The following MYOM2 variants were observed in gnomAD, a reference collection of about 807,000 sequenced individuals.
MYOM2 encodes the protein myomesin-2.
A neutral mutation model predicts 187.6 loss-of-function variants in MYOM2; 254 were observed. The observed-to-expected ratio is 1.35, with a 90% CI of 1.22 to 1.50. MYOM2 has a LOEUF of 1.50. Ranked by LOEUF, MYOM2 falls within the 40% of genes most tolerant of loss-of-function variation. The probability of loss-of-function intolerance (pLI) is 0.00; values close to 1 mark genes in which losing one functional copy is unlikely to be tolerated. For missense variants in MYOM2, 2,796 were observed against 1,924.0 expected (o/e 1.45, Z -8.48); for synonymous variants, 981 against 753.8 (o/e 1.30, Z -4.94).
At chr8:2,051,664 C>G (rs1818493584) in intron 2 of MYOM2, among the ~76,000 whole-genome samples, 1 of 152,208 alleles carries the variant, frequency 6.6e-6, no homozygotes, top group South Asian at 2.1e-4. Context: ...TATATATAAT[C>G]CTGGCGTGGA....
intron 11 of MYOM2, among the ~76,000 whole-genome samples, chr8:2,077,558 G>A (rs1405976717): frequency 6.6e-6 from 1 of 152,146 alleles, no homozygotes; most frequent in Non-Finnish European, 1.5e-5. Flanking sequence ...TGATATGCTA[G>A]AGACAGTTCT....
At chr8:2,076,364 A>C (rs569434355) in intron 11 of MYOM2, 82 bp downstream of exon 11, 2 of 1,515,384 alleles carry the variant, frequency 1.3e-6, no homozygotes, top group Non-Finnish European at 1.8e-6. Flanking sequence ...AATTTTTCTC[A>C]ATGCAGGTTG....
intron 25 of MYOM2, 90 bp from the exon 26 acceptor site, chr8:2,115,870 C>G: frequency 1.4e-6 from 2 of 1,412,406 alleles, no homozygotes; most frequent in South Asian, 2.7e-5. Context: ...CCCTTGAGAT[C>G]TCATGGCTGA....
chr8:2,122,469 G>A (rs1031575649), intron 28 of MYOM2, among the ~76,000 whole-genome samples: 1 of 152,206 alleles, frequency 6.6e-6, no homozygotes, highest in Non-Finnish European at 1.5e-5. Context: ...TTCCCATAGC[G>A]GATGTGGAAA....
chr8:2,143,509 G>T lies in MYOM2; in HGVS notation c.4080+53G>T, dbSNP rs371965638. 3.7e-6 allele frequency: 6 copies of T among 1,601,780 alleles called. No homozygotes were observed. The African/African-American group carries it at 8.0e-5, about 21-fold the overall frequency. ...GGGGTGTCAGCACGGTGCGATGGACGCAACCCCTTCTCTTGGGGCGGAGCA... is the reference window on the plus strand; with the variant it reads ...GGGGTGTCAGCACGGTGCGATGGACTCAACCCCTTCTCTTGGGGCGGAGCA... On this transcript the variant is annotated intron_variant, in intron 36 of 36. Coordinates refer to ENST00000262113, the MANE Select transcript of MYOM2 (RefSeq NM_003970.4).
rs7822836 is a variant in MYOM2 at position 2,076,127 on chromosome 8, C to T, written c.1121-14C>T. On this transcript the variant is annotated splice_polypyrimidine_tract_variant and intron_variant, in intron 10 of 36. Coordinates refer to ENST00000262113, the MANE Select transcript of MYOM2 (RefSeq NM_003970.4). The stretch of plus-strand genomic sequence containing the variant: ...TAAATGACAGGCGTGTGCCTTTTCT[C>T]TCCCTGCCCCAAGATGCTGACCCGC... 2.7e-5 allele frequency: 43 copies of T among 1,607,578 alleles called. No homozygotes were observed. The highest frequency in any genetic ancestry group is 2.5e-4 in the East Asian group (11 of 44,782).
intron 28 of MYOM2, among the ~76,000 whole-genome samples, chr8:2,121,269 C>T (rs1797444910): frequency 6.6e-6 from 1 of 152,070 alleles, no homozygotes; most frequent in Non-Finnish European, 1.5e-5. Context: ...GGTTATGGTG[C>T]TGGTTTATTC....
chr8:2,086,980 T>C (rs1796114504), intron 14 of MYOM2, among the ~76,000 whole-genome samples: 1 of 152,208 alleles, frequency 6.6e-6, no homozygotes, highest in African/African-American at 2.4e-5. Context: ...ACAAAAGACG[T>C]TGTATATTGC....
chr8:2,101,367 C>G (rs140599364), intron 20 of MYOM2, among the ~76,000 whole-genome samples: 1 of 152,286 alleles, frequency 6.6e-6, no homozygotes, highest in East Asian at 1.9e-4. Flanking sequence ...ACAAAACACA[C>G]ACACAAAAAT....
intron 35 of MYOM2, among the ~76,000 whole-genome samples, chr8:2,142,599 C>G (rs1012066692): frequency 6.6e-6 from 1 of 152,034 alleles, no homozygotes; most frequent in Non-Finnish European, 1.5e-5. Context: ...CGGCCTTAGC[C>G]CCGTCACCCC....
chr8:2,065,107 AATC>A (rs1818973028), intron 6 of MYOM2, among the ~76,000 whole-genome samples: 1 of 152,240 alleles, frequency 6.6e-6, no homozygotes, highest in South Asian at 2.1e-4. Context: ...TGTTTTATTT[AATC>A]ATCAAAGTCA....
chr8:2,089,062 G>A (rs1240886630), intron 14 of MYOM2, among the ~76,000 whole-genome samples: 1 of 152,160 alleles, frequency 6.6e-6, no homozygotes, highest in East Asian at 1.9e-4. Flanking sequence ...ACCAAAATGA[G>A]AGAAAACTCC....
At chr8:2,048,769 A>AT (rs1435117361) in intron 1 of MYOM2, among the ~76,000 whole-genome samples, 3 of 144,212 alleles carry the variant, frequency 2.1e-5, no homozygotes, top group East Asian at 2.1e-4. Context: ...TTATTTATTT[A>AT]TTTATTTTAT....
intron 36 of MYOM2, among the ~76,000 whole-genome samples, chr8:2,143,950 G>A (rs1235163858): frequency 6.6e-6 from 1 of 152,204 alleles, no homozygotes; most frequent in Admixed American, 6.5e-5. Context: ...CCACTTATTG[G>A]AGTTTAATTT....
At chr8:2,116,643 C>G (rs1388702647) in intron 27 of MYOM2, among the ~76,000 whole-genome samples, 1 of 152,192 alleles carries the variant, frequency 6.6e-6, no homozygotes, top group Non-Finnish European at 1.5e-5. Context: ...GTTAAACTTT[C>G]TAACTACAAA....
At chr8:2,063,045 G>A (rs767158781) in intron 6 of MYOM2, among the ~76,000 whole-genome samples, 4 of 152,156 alleles carry the variant, frequency 2.6e-5, no homozygotes, top group Admixed American at 2.0e-4. Flanking sequence ...GATTTTGCTT[G>A]CATATGCAAA....
chr8:2,085,130 T>G (rs1819766398), intron 13 of MYOM2, 133 bp from the exon 14 acceptor site: 1 of 1,070,808 alleles, frequency 9.3e-7, no homozygotes, highest in Admixed American at 2.6e-5. Context: ...ATCTTTGGGG[T>G]TTGTTTGACT....
intron 31 of MYOM2, among the ~76,000 whole-genome samples, chr8:2,126,990 G>A (rs890350899): frequency 6.6e-6 from 1 of 151,186 alleles, no homozygotes; most frequent in Non-Finnish European, 1.5e-5. Context: ...CGGAGGCTGG[G>A]GGAGCACTGG....
At chr8:2,103,595 T>C (rs565089064) in intron 21 of MYOM2, among the ~76,000 whole-genome samples, 1 of 151,148 alleles carries the variant, frequency 6.6e-6, no homozygotes, top group South Asian at 2.1e-4. Context: ...ATTATGTGTA[T>C]ATGTGTATAT....
Sources: gnomAD v4.1 joint callset for allele counts (sites outside exome capture counted in the v4.1 genomes callset) on GRCh38, gnomAD v4.1.1 for gene constraint, MANE v1.5 for transcripts, NCBI Gene and HGNC (gene_info 2026-07-23, HGNC 2026-07-21) for gene names.